CCDC175: variants seen among roughly 807,000 people sequenced by gnomAD.
CCDC175 encodes coiled-coil domain containing 175.
Under a neutral mutation model 114.6 loss-of-function variants are expected in CCDC175, and 100 were observed. The ratio of observed to expected loss-of-function variants is 0.87; its 90% CI spans 0.74 to 1.03. The LOEUF (loss-of-function observed/expected upper bound fraction) is 1.03. Ranked by LOEUF, CCDC175 falls within the 50% of genes least tolerant of loss-of-function variation. The probability of loss-of-function intolerance (pLI) is 0.00; values close to 1 mark genes in which losing one functional copy is unlikely to be tolerated. For missense variants in CCDC175, 880 were observed against 917.8 expected (o/e 0.96, Z 0.53); for synonymous variants, 306 against 308.7 (o/e 0.99, Z 0.09).
chr14:59,515,359 G>C (rs1893012785), intron 17 of CCDC175, among the ~76,000 whole-genome samples: 1 of 152,172 alleles, frequency 6.6e-6, no homozygotes, highest in Non-Finnish European at 1.5e-5. Context: ...CCAATTAAAA[G>C]ACACAGACTG....
At chr14:59,564,201 C>A (rs1454827143) in intron 5 of CCDC175, among the ~76,000 whole-genome samples, 1 of 152,074 alleles carries the variant, frequency 6.6e-6, no homozygotes, top group African/African-American at 2.4e-5. Flanking sequence ...ACCGGATTTA[C>A]AACGTACTAA....
chr14:59,506,137 C>A (rs1388905960), intron 19 of CCDC175, among the ~76,000 whole-genome samples: 2 of 151,956 alleles, frequency 1.3e-5, no homozygotes, highest in African/African-American at 4.8e-5. Flanking sequence ...TTAATAACTA[C>A]CTTGTTATAT....
intron 13 of CCDC175, among the ~76,000 whole-genome samples, chr14:59,535,075 C>T (rs1436107086): frequency 1.3e-5 from 2 of 152,190 alleles, no homozygotes; most frequent in Admixed American, 6.5e-5. Context: ...TAATTTTGGG[C>T]TCCTCATGCC....
chr14:59,544,205 C>T (rs147884527), intron 9 of CCDC175, among the ~76,000 whole-genome samples: 455 of 152,074 alleles, frequency 3.0e-3, no homozygotes, highest in Non-Finnish European at 5.1e-3. Flanking sequence ...TGGCTCTTGT[C>T]GCCCAGGCCA....
At chr14:59,507,790 A>G (rs1035184166) in intron 19 of CCDC175, among the ~76,000 whole-genome samples, 5 of 152,100 alleles carry the variant, frequency 3.3e-5, no homozygotes, top group African/African-American at 1.2e-4. Flanking sequence ...AACTGGGGAG[A>G]CTGAGGAGTG....
intron 17 of CCDC175, among the ~76,000 whole-genome samples, chr14:59,513,188 G>C (rs1043217261): frequency 1.3e-5 from 2 of 152,152 alleles, no homozygotes; most frequent in Non-Finnish European, 2.9e-5. Context: ...GAGGGGGGTG[G>C]AGCCAAGATG....
At position 59,563,770 on chromosome 14, in the gene CCDC175, T is replaced by C; in HGVS notation, c.810A>G (p.Ser270=). The C allele has an allele frequency of 2.4e-5, 35 of 1,442,508 alleles. No individual in the cohort carries two copies. The highest frequency in any genetic ancestry group is 3.2e-5 in the Non-Finnish European group (35 of 1,099,570). 89.4% of individuals were successfully genotyped at this position (1,442,508 alleles called of 1,614,324 possible). A position where few individuals can be genotyped will look rare whatever the true frequency, so the allele number is the denominator to read the frequency against. The change falls in exon 6 of 20, where the codon TCA becomes TCG. Residue 270 remains serine, a synonymous_variant. Transcript: ENST00000537690. ...KELDKLQTKM[S]KIKETVTVSA... is the part of the protein sequence containing the mutation. ...AAACAGTAACTGTTTCTTTTATTTTTGACATTTTAGTTTGTAATTTATCCA... is the reference window on the plus strand; with the variant it reads ...AAACAGTAACTGTTTCTTTTATTTTCGACATTTTAGTTTGTAATTTATCCA...
chr14:59,514,712 G>A (rs547225473), intron 17 of CCDC175, among the ~76,000 whole-genome samples: 143 of 152,254 alleles, frequency 9.4e-4, no homozygotes, highest in African/African-American at 3.4e-3. Flanking sequence ...AAAGTGACAG[G>A]GAGAATGGAA....
At chr14:59,557,355 C>G (rs1895965835) in intron 7 of CCDC175, among the ~76,000 whole-genome samples, 1 of 151,102 alleles carries the variant, frequency 6.6e-6, no homozygotes, top group Non-Finnish European at 1.5e-5. Flanking sequence ...TCTCAGCAAA[C>G]TATCGCAAGG....
At chr14:59,533,891 A>G (rs1256018729) in intron 13 of CCDC175, among the ~76,000 whole-genome samples, 1 of 150,982 alleles carries the variant, frequency 6.6e-6, no homozygotes, top group Non-Finnish European at 1.5e-5. Context: ...TGGGAGGCTG[A>G]GGCAGGAGAA....
Position 59,545,274 on chromosome 14 carries a change from C to T in CCDC175, c.1061G>A (p.Arg354His), listed in dbSNP as rs765447358. 124 of 1,536,496 alleles carry T rather than the reference C, an allele frequency of 8.1e-5. No individual in the cohort carries two copies. In the South Asian group the frequency reaches 8.1e-4, roughly 10 times the overall value. Residue 354 changes from arginine (R) to histidine (H), a missense_variant, in exon 9 of 20, where the codon CGT becomes CAT. Transcript: ENST00000537690. ...KQLVETLHAA[R>H]MEYKDLREKM... ...CTCTCGTAGGTCTTTGTATTCCATA[C>T]GAGCAGCATGCAGTGTTTCAACCAG...
chr14:59,506,831 A>G (rs151085352), intron 19 of CCDC175, among the ~76,000 whole-genome samples: 2 of 152,296 alleles, frequency 1.3e-5, no homozygotes, highest in African/African-American at 2.4e-5. Context: ...TGACAGTTAT[A>G]TACATTGATT....
intron 16 of CCDC175, among the ~76,000 whole-genome samples, chr14:59,524,174 T>C (rs2139988870): frequency 6.6e-6 from 1 of 152,308 alleles, no homozygotes; most frequent in East Asian, 1.9e-4. Context: ...TTTTTGTTGT[T>C]ACTGTTTTGT....
Position 59,537,780 on chromosome 14 carries a change from G to A in CCDC175, c.1623+243C>T, listed in dbSNP as rs981547653. Among the ~76,000 whole-genome samples the A allele has an allele frequency of 3.3e-5, 5 of 152,008 alleles. No homozygotes were observed. The South Asian group carries it at 6.2e-4, about 19-fold the overall frequency. On this transcript the variant is annotated intron_variant, in intron 13 of 19. Transcript: ENST00000537690. ...CTACACAACTCCACCTGTCTCTAAG[G>A]CCATTGCCAACAGTTCTACATAATT...
intron 7 of CCDC175, among the ~76,000 whole-genome samples, chr14:59,559,149 C>T (rs900683755): frequency 1.3e-5 from 2 of 152,160 alleles, no homozygotes; most frequent in South Asian, 2.1e-4. Context: ...ACCTCATACA[C>T]TTTAATGGCA....
chr14:59,540,648 C>CTTTT (rs34112354), intron 11 of CCDC175, 27 bp downstream of exon 11: 12,680 of 1,087,488 alleles, frequency 0.012, 93 homozygotes, highest in African/African-American at 0.027. Flanking sequence ...CACAAATAAA[C>CTTTT]TTTTTTTTTT....
At chr14:59,531,428 T>A (rs1160807978) in intron 14 of CCDC175, among the ~76,000 whole-genome samples, 5 of 151,960 alleles carry the variant, frequency 3.3e-5, no homozygotes, top group African/African-American at 9.7e-5. Flanking sequence ...AATTTGCAAA[T>A]TCACGGTAAG....
At chr14:59,520,961 G>T in intron 17 of CCDC175, among the ~76,000 whole-genome samples, 1 of 152,134 alleles carries the variant, frequency 6.6e-6, no homozygotes, top group Non-Finnish European at 1.5e-5. Flanking sequence ...CTGAAAATGG[G>T]TGCATTTTTT....
chr14:59,528,128 A>G (rs1277031358), intron 14 of CCDC175, among the ~76,000 whole-genome samples: 2 of 152,054 alleles, frequency 1.3e-5, no homozygotes, highest in Admixed American at 6.5e-5. Flanking sequence ...TTAGCTGGGT[A>G]TCTAATGTTG....
Sources: gnomAD v4.1 joint callset for allele counts (sites outside exome capture counted in the v4.1 genomes callset) on GRCh38, gnomAD v4.1.1 for gene constraint, MANE v1.5 for transcripts, NCBI Gene and HGNC (gene_info 2026-07-23, HGNC 2026-07-21) for gene names.